Variants in ATP11B observed in about 807,000 individuals in gnomAD.
The protein encoded by ATP11B is phospholipid-transporting ATPase IF.
ATP11B carries 81 observed loss-of-function variants against 157.8 expected under a neutral mutation model. That is an observed-to-expected ratio of 0.51 (90% CI 0.43 to 0.62). ATP11B has a LOEUF of 0.62. ATP11B is among the 20% of genes least tolerant of loss of function. The pLI is 0.00. For synonymous variants in ATP11B, 451 were observed against 469.4 expected, an observed-to-expected ratio of 0.96 and a Z score of 0.51; for missense variants, 1,165 against 1,402.2, an observed-to-expected ratio of 0.83 and a Z score of 2.70.
chr3:182,905,596 A>G (rs1724288501), intron 28 of ATP11B, among the ~76,000 whole-genome samples: 2 of 152,186 alleles, frequency 1.3e-5, no homozygotes, highest in African/African-American at 4.8e-5. Flanking sequence ...CTGAAAAATC[A>G]TGGCTTTATT....
At chr3:182,897,431 T>C (rs370247559) in intron 27 of ATP11B, 25 bp downstream of exon 27, 3 of 1,406,478 alleles carry the variant, frequency 2.1e-6, no homozygotes, top group African/African-American at 2.9e-5. Context: ...TGTATTTTAA[T>C]TGGATTGCTT....
intron 10 of ATP11B, among the ~76,000 whole-genome samples, chr3:182,848,824 A>G (rs1719742055): frequency 1.3e-5 from 2 of 152,200 alleles, no homozygotes; most frequent in African/African-American, 4.8e-5. Flanking sequence ...TAACAGTTCT[A>G]AAACTGAAAA....
chr3:182,840,411 C>T (rs1014895268), intron 7 of ATP11B, among the ~76,000 whole-genome samples: 1 of 152,180 alleles, frequency 6.6e-6, no homozygotes, highest in Non-Finnish European at 1.5e-5. Flanking sequence ...CTCACCCAAC[C>T]TCCTGGCTTT....
At chr3:182,831,228 A>G (rs896728124) in intron 4 of ATP11B, among the ~76,000 whole-genome samples, 1 of 152,098 alleles carries the variant, frequency 6.6e-6, no homozygotes, top group Non-Finnish European at 1.5e-5. Flanking sequence ...CAGTTTATTA[A>G]ATGGCACTAC....
At chr3:182,842,023 A>G (rs1316180213) in intron 7 of ATP11B, 52 bp from the exon 8 acceptor site, 4 of 1,080,034 alleles carry the variant, frequency 3.7e-6, no homozygotes, top group Admixed American at 4.2e-5. Flanking sequence ...AAAAACAGCC[A>G]TTGATGTCAT....
chr3:182,838,326 A>G (rs966622569), intron 7 of ATP11B, among the ~76,000 whole-genome samples: 1 of 151,956 alleles, frequency 6.6e-6, no homozygotes, highest in Non-Finnish European at 1.5e-5. Context: ...GGCAGATTGT[A>G]AAATAATTAT....
At chr3:182,914,712 GA>G (rs1238569465) in intron 29 of ATP11B, 17 of 984,216 alleles carry the variant, frequency 1.7e-5, no homozygotes, top group Non-Finnish European at 1.9e-5. Flanking sequence ...GCACCATAAC[GA>G]AAAAAAACAC....
intron 29 of ATP11B, chr3:182,915,253 A>C: frequency 1.0e-6 from 1 of 985,352 alleles, no homozygotes; most frequent in African/African-American, 1.7e-5. Context: ...ATGTTAACAT[A>C]ATGTCTGTGG....
At position 182,872,684 on chromosome 3, in the gene ATP11B, C is replaced by T. The variant is rs115826678; in HGVS notation, c.2048+147C>T. The T allele has an allele frequency of 9.8e-4, 703 of 717,360 alleles. 6 individuals carry two copies. In the African/African-American group the frequency reaches 0.011, roughly 11 times the overall value. 44.4% of individuals were successfully genotyped at this position (717,360 alleles called of 1,614,324 possible). ...AGAGAACTAAAGCCTTAATTTTTCC[C>T]GGTCAGTATGTACAATTTTTGTTCT... On this transcript the variant is annotated intron_variant, in intron 18 of 29. Transcript: ENST00000323116.
At chr3:182,831,869 T>C (rs1489695573) in intron 4 of ATP11B, among the ~76,000 whole-genome samples, 1 of 152,188 alleles carries the variant, frequency 6.6e-6, no homozygotes, top group Non-Finnish European at 1.5e-5. Flanking sequence ...TGTCTAGCTC[T>C]ACGGTGCCAG....
chr3:182,881,315 T>G (rs1722409731), intron 21 of ATP11B, among the ~76,000 whole-genome samples: 1 of 151,838 alleles, frequency 6.6e-6, no homozygotes, highest in African/African-American at 2.4e-5. Context: ...GTGCCTGTAA[T>G]CCCAGCTACT....
chr3:182,825,411 C>T (rs569270457), intron 2 of ATP11B, among the ~76,000 whole-genome samples: 2 of 152,136 alleles, frequency 1.3e-5, no homozygotes, highest in South Asian at 4.2e-4. Context: ...ATAGTAACTA[C>T]ATTATCTTAA....
At chr3:182,794,815 A>G (rs1715498464) in intron 1 of ATP11B, among the ~76,000 whole-genome samples, 1 of 152,232 alleles carries the variant, frequency 6.6e-6, no homozygotes, top group Non-Finnish European at 1.5e-5. Flanking sequence ...TTAATTTCTA[A>G]ATCGCATTAA....
chr3:182,903,203 C>G (rs954894105), intron 28 of ATP11B, among the ~76,000 whole-genome samples: 3 of 152,018 alleles, frequency 2.0e-5, no homozygotes, highest in African/African-American at 7.2e-5. Flanking sequence ...TATTAAGATA[C>G]TATAACTATG....
chr3:182,861,303 G>T (rs1015781873), intron 12 of ATP11B, among the ~76,000 whole-genome samples: 2 of 152,150 alleles, frequency 1.3e-5, no homozygotes, highest in African/African-American at 2.4e-5. Context: ...GACCTCAGGT[G>T]ATCCTCCCAC....
intron 28 of ATP11B, among the ~76,000 whole-genome samples, chr3:182,901,770 G>T (rs1473923545): frequency 2.0e-5 from 3 of 152,074 alleles, no homozygotes; most frequent in Non-Finnish European, 1.5e-5. Flanking sequence ...CTTAAGGTAG[G>T]CCATTAGACA....
chr3:182,867,478 T>G, intron 15 of ATP11B, 34 bp downstream of exon 15: 1 of 1,407,466 alleles, frequency 7.1e-7, no homozygotes, highest in Non-Finnish European at 1.0e-6. Flanking sequence ...ATGTTTTCTG[T>G]GTTAAGTGTA....
At chr3:182,868,341 C>T (rs1364635693) in intron 15 of ATP11B, among the ~76,000 whole-genome samples, 1 of 148,106 alleles carries the variant, frequency 6.8e-6, no homozygotes, top group African/African-American at 2.5e-5. Context: ...TATGCTTTTC[C>T]ATACTAGATA....
chr3:182,915,021 C>G, intron 29 of ATP11B: 1 of 985,246 alleles, frequency 1.0e-6, no homozygotes, highest in Non-Finnish European at 1.2e-6. Context: ...GGAAATTACC[C>G]CAGGAACAGG....
Sources: gnomAD v4.1 joint callset for allele counts (sites outside exome capture counted in the v4.1 genomes callset) on GRCh38, gnomAD v4.1.1 for gene constraint, MANE v1.5 for transcripts, NCBI Gene and HGNC (gene_info 2026-07-23, HGNC 2026-07-21) for gene names.